CCDC91: variants seen among roughly 807,000 people sequenced by gnomAD.
CCDC91 encodes the protein coiled-coil domain-containing protein 91.
Under a neutral mutation model 63.2 loss-of-function variants are expected in CCDC91, and 48 were observed. That is an observed-to-expected ratio of 0.76 (90% CI 0.60 to 0.97). CCDC91 has a LOEUF of 0.97. Among genes scored for constraint, CCDC91 ranks in the 50% least tolerant of loss-of-function variants. CCDC91 has a pLI of 0.00. For missense variants in CCDC91, 500 were observed against 494.6 expected (o/e 1.01, Z -0.10); for synonymous variants, 167 against 165.8 (o/e 1.01, Z -0.06).
At chr12:28,228,019 T>G (rs1425304366) in intron 1 of CCDC91, among the ~76,000 whole-genome samples, 2 of 152,064 alleles carry the variant, frequency 1.3e-5, no homozygotes, top group Non-Finnish European at 2.9e-5. Context: ...AAAAGACAGT[T>G]ATTTTTATTG....
intron 8 of CCDC91, among the ~76,000 whole-genome samples, chr12:28,393,363 T>G (rs1946070050): frequency 6.6e-6 from 1 of 151,936 alleles, no homozygotes; most frequent in Non-Finnish European, 1.5e-5. Context: ...ACTTTGTATT[T>G]TTTTTTCTTT....
chr12:28,488,411 G>A (rs1439768414), intron 12 of CCDC91, among the ~76,000 whole-genome samples: 1 of 151,704 alleles, frequency 6.6e-6, no homozygotes, highest in African/African-American at 2.4e-5. Context: ...ACTATGTAAT[G>A]AAAATATCCA....
intron 6 of CCDC91, among the ~76,000 whole-genome samples, chr12:28,336,981 A>G (rs867948469): frequency 8.5e-5 from 13 of 152,268 alleles, no homozygotes; most frequent in East Asian, 1.9e-4. Context: ...AATTCCTTCT[A>G]TAATAAAATT....
At chr12:28,227,878 ATTAC>A (rs937735364) in intron 1 of CCDC91, among the ~76,000 whole-genome samples, 1 of 151,870 alleles carries the variant, frequency 6.6e-6, no homozygotes, top group African/African-American at 2.4e-5. Flanking sequence ...TTTTAGGTAA[ATTAC>A]TTGATCTCAC....
intron 3 of CCDC91, among the ~76,000 whole-genome samples, chr12:28,267,698 T>A (rs2136295235): frequency 8.4e-6 from 1 of 119,272 alleles, no homozygotes; most frequent in South Asian, 2.2e-4. Context: ...AATTATTTAT[T>A]ATATATAATT....
intron 3 of CCDC91, among the ~76,000 whole-genome samples, chr12:28,298,735 A>AAAC (rs1272447052): frequency 4.3e-5 from 6 of 138,014 alleles, no homozygotes; most frequent in East Asian, 4.0e-4. Context: ...TGTAAAAAAA[A>AAAC]AACAACAACA....
chr12:28,328,276 AT>A (rs1419990237), intron 6 of CCDC91, among the ~76,000 whole-genome samples: 1 of 151,738 alleles, frequency 6.6e-6, no homozygotes, highest in Admixed American at 6.6e-5. Flanking sequence ...AACATATTGT[AT>A]TTTTTTTCCA....
intron 3 of CCDC91, among the ~76,000 whole-genome samples, chr12:28,286,149 A>G (rs1327356452): frequency 6.6e-6 from 1 of 152,054 alleles, no homozygotes; most frequent in African/African-American, 2.4e-5. Context: ...TAAACTTCCA[A>G]TAAAGAAGTT....
rs556122088 is a variant in CCDC91, at chr12:28,318,075, C to T, written c.576+10326C>T. The stretch of plus-strand genomic sequence containing the variant: ...TTTAAAAATGAAAATAGCTTTAACT[C>T]TTTTTTTATTAGAAAAAACTAGCTT... On this transcript the variant is annotated intron_variant, in intron 6 of 12. Transcript: ENST00000536442. 2.6e-5 allele frequency among the ~76,000 whole-genome samples: 4 copies of T among 151,608 alleles called. No homozygotes were observed. The East Asian group carries it at 7.8e-4, about 30-fold the overall frequency.
At chr12:28,419,123 A>G (rs367598090) in intron 8 of CCDC91, among the ~76,000 whole-genome samples, 1 of 152,174 alleles carries the variant, frequency 6.6e-6, no homozygotes, top group Non-Finnish European at 1.5e-5. Flanking sequence ...TCCTAGGGAT[A>G]TAACAGTGAA....
chr12:28,474,991 TG>T (rs1215915100), intron 11 of CCDC91, among the ~76,000 whole-genome samples: 1 of 152,084 alleles, frequency 6.6e-6, no homozygotes, highest in Non-Finnish European at 1.5e-5. Context: ...TTCATAGGAA[TG>T]GTTACACAGG....
chr12:28,239,762 ATAGAC>A (rs1409377401), intron 1 of CCDC91, among the ~76,000 whole-genome samples: 1 of 152,200 alleles, frequency 6.6e-6, no homozygotes, highest in African/African-American at 2.4e-5. Context: ...ACTTAGAACT[ATAGAC>A]TATATAATAA....
chr12:28,237,235 TAC>T (rs58134900), intron 1 of CCDC91, among the ~76,000 whole-genome samples: 102 of 143,120 alleles, frequency 7.1e-4, no homozygotes, highest in African/African-American at 1.7e-3. Context: ...GTATTACACA[TAC>T]ACACACACAC....
chr12:28,247,496 A>G (rs1945833219), intron 1 of CCDC91, among the ~76,000 whole-genome samples: 2 of 151,922 alleles, frequency 1.3e-5, no homozygotes, highest in East Asian at 1.9e-4. Flanking sequence ...AAAAAAAAAA[A>G]AGAATTTTTA....
chr12:28,500,661 A>G (rs912339059), intron 12 of CCDC91, among the ~76,000 whole-genome samples: 7 of 151,788 alleles, frequency 4.6e-5, no homozygotes, highest in African/African-American at 1.7e-4. Context: ...ATGAAAATTT[A>G]TCTACCTATT....
chr12:28,489,645 T>C (rs1951895022), intron 12 of CCDC91, among the ~76,000 whole-genome samples: 1 of 151,954 alleles, frequency 6.6e-6, no homozygotes. Flanking sequence ...GAAAATAACC[T>C]TCACTTTAGA....
chr12:28,471,747 A>G (rs1950825964), intron 11 of CCDC91, among the ~76,000 whole-genome samples: 1 of 143,494 alleles, frequency 7.0e-6, no homozygotes, highest in African/African-American at 2.4e-5. Flanking sequence ...TGTTTTGTTT[A>G]TTTTCTCTCT....
chr12:28,419,753 C>T (rs1426257884), intron 8 of CCDC91, among the ~76,000 whole-genome samples: 1 of 113,066 alleles, frequency 8.8e-6, no homozygotes, highest in Non-Finnish European at 2.1e-5. Context: ...TTTAAATTAT[C>T]ATTTTTTTTT....
chr12:28,458,455 C>CTTTTTTTTTTTTTTTTTTTTTTTT (rs60083355), intron 11 of CCDC91, among the ~76,000 whole-genome samples: 1 of 45,792 alleles, frequency 2.2e-5, no homozygotes, highest in Non-Finnish European at 3.4e-5. Context: ...ATTTGCACAC[C>CTTTTTTTTTTTTTTTTTTTTTTTT]TTTTTTTTTT....
Sources: gnomAD v4.1 joint callset for allele counts (sites outside exome capture counted in the v4.1 genomes callset) on GRCh38, gnomAD v4.1.1 for gene constraint, MANE v1.5 for transcripts, NCBI Gene and HGNC (gene_info 2026-07-23, HGNC 2026-07-21) for gene names.